UBR3: variants seen among roughly 807,000 people sequenced by gnomAD.
UBR3 encodes the protein ubiquitin protein ligase E3 component n-recognin 3.
Under a neutral mutation model 243.2 loss-of-function variants are expected in UBR3, and 85 were observed. The ratio of observed to expected loss-of-function variants is 0.35; its 90% CI spans 0.29 to 0.42. UBR3 has a LOEUF of 0.42. UBR3 is among the 10% of genes least tolerant of loss of function. UBR3 has a pLI of 1.00. For synonymous variants in UBR3, 748 were observed against 799.8 expected, an observed-to-expected ratio of 0.94 and a Z score of 1.09; for missense variants, 1,686 against 2,300.8, an observed-to-expected ratio of 0.73 and a Z score of 5.47.
chr2:169,907,018 C>CTAGGTT (rs2085036732), intron 10 of UBR3, among the ~76,000 whole-genome samples: 1 of 146,910 alleles, frequency 6.8e-6, no homozygotes, highest in Non-Finnish European at 1.5e-5. Flanking sequence ...TACAATCTTA[C>CTAGGTT]TAGGTTCAAA....
chr2:169,881,670 T>TTATA (rs371247984), intron 5 of UBR3, among the ~76,000 whole-genome samples: 62 of 133,246 alleles, frequency 4.7e-4, no homozygotes, highest in African/African-American at 8.8e-4. Context: ...CAGTGATACT[T>TTATA]TATATATATA....
In UBR3 at chr2:170,031,845, G is replaced by A. The variant is rs182951387; in HGVS notation, c.4556+2397G>A. Among the ~76,000 whole-genome samples, 185 of 152,230 alleles carry A rather than the reference G, an allele frequency of 1.2e-3. 1 individual carries two copies. Among genetic ancestry groups the A allele is most frequent in the African/African-American group, 4.2e-3 (176 of 41,556 alleles). ...CCAGCTGCATCCATGTTGTGACAAA[G>A]GACATAATTTCATTCTTTTTATAGC... On this transcript the variant is annotated intron_variant, in intron 31 of 38. Coordinates refer to ENST00000272793, the MANE Select transcript of UBR3 (RefSeq NM_172070.4).
intron 10 of UBR3, among the ~76,000 whole-genome samples, chr2:169,913,313 T>C (rs2085327669): frequency 6.6e-6 from 1 of 152,068 alleles, no homozygotes; most frequent in African/African-American, 2.4e-5. Flanking sequence ...TTGGAAGAAA[T>C]GTCTTTTTAA....
chr2:169,842,610 G>T (rs1023510023), intron 1 of UBR3, among the ~76,000 whole-genome samples: 1 of 151,596 alleles, frequency 6.6e-6, no homozygotes. Context: ...CCACGAGCCC[G>T]CCAGGAGGAA....
chr2:169,921,984 C>G (rs1396076060), intron 11 of UBR3, among the ~76,000 whole-genome samples: 2 of 151,210 alleles, frequency 1.3e-5, no homozygotes, highest in African/African-American at 4.9e-5. Context: ...GTGCGAGACT[C>G]AAAAAAAGGG....
At chr2:169,934,355 T>G (rs1176968727) in intron 19 of UBR3, among the ~76,000 whole-genome samples, 1 of 152,244 alleles carries the variant, frequency 6.6e-6, no homozygotes, top group African/African-American at 2.4e-5. Flanking sequence ...TCTCTTTTAC[T>G]TTGTAGTTAC....
intron 6 of UBR3, among the ~76,000 whole-genome samples, chr2:169,893,962 T>G (rs1363271685): frequency 6.6e-6 from 1 of 152,182 alleles, no homozygotes; most frequent in Non-Finnish European, 1.5e-5. Context: ...GTGAATTCTT[T>G]TGACTGTATT....
chr2:169,961,981 A>G (rs977131157), intron 24 of UBR3, among the ~76,000 whole-genome samples: 2 of 150,582 alleles, frequency 1.3e-5, no homozygotes, highest in Non-Finnish European at 2.9e-5. Context: ...ATAGAAGTGC[A>G]TGACCTATAT....
intron 24 of UBR3, among the ~76,000 whole-genome samples, chr2:169,959,745 G>A (rs1287319039): frequency 6.6e-6 from 1 of 152,100 alleles, no homozygotes; most frequent in Non-Finnish European, 1.5e-5. Context: ...GAAGCTGAAA[G>A]TACAGTACCC....
At chr2:169,994,198 C>G in intron 25 of UBR3, 125 bp from the exon 26 acceptor site, 3 of 1,145,646 alleles carry the variant, frequency 2.6e-6, no homozygotes, top group Non-Finnish European at 3.6e-6. Flanking sequence ...TTTGAGGGGT[C>G]TTTAAAAATA....
At chr2:169,882,104 T>TTTATATTATATACATATATATTATATATA (rs1559054289) in intron 5 of UBR3, among the ~76,000 whole-genome samples, 1 of 128,826 alleles carries the variant, frequency 7.8e-6, no homozygotes, top group Non-Finnish European at 1.5e-5. Context: ...CACATATATA[T>TTTATATTATATACATATATATTATATATA]TTATATTATA....
intron 31 of UBR3, among the ~76,000 whole-genome samples, chr2:170,030,386 T>C (rs1262659389): frequency 1.3e-5 from 2 of 152,150 alleles, no homozygotes; most frequent in Non-Finnish European, 2.9e-5. Context: ...GTTATCATTG[T>C]TTATAGGCCA....
intron 1 of UBR3, among the ~76,000 whole-genome samples, chr2:169,836,045 A>C (rs13398066): frequency 0.026 from 235 of 8,942 alleles, 2 homozygotes; most frequent in African/African-American, 0.034. Context: ...CTCTCTCTCT[A>C]TATATATATA....
At chr2:169,972,716 C>T (rs867164817) in intron 24 of UBR3, among the ~76,000 whole-genome samples, 1 of 152,006 alleles carries the variant, frequency 6.6e-6, no homozygotes, top group Middle Eastern at 3.4e-3. Context: ...ATTCAACAAC[C>T]CTTCATGCTA....
At chr2:170,000,082 C>T (rs1387496291) in intron 26 of UBR3, among the ~76,000 whole-genome samples, 4 of 151,456 alleles carry the variant, frequency 2.6e-5, no homozygotes, top group East Asian at 1.9e-4. Context: ...GCCGAGATTG[C>T]GCCATCGCAC....
intron 11 of UBR3, among the ~76,000 whole-genome samples, chr2:169,922,502 G>A (rs1256081298): frequency 2.6e-5 from 4 of 151,974 alleles, no homozygotes; most frequent in Admixed American, 2.0e-4. Flanking sequence ...TAAGTGTATA[G>A]TTCAGTAGTG....
intron 32 of UBR3, among the ~76,000 whole-genome samples, chr2:170,042,398 T>G (rs939453437): frequency 6.6e-6 from 1 of 152,154 alleles, no homozygotes; most frequent in East Asian, 1.9e-4. Context: ...TACCGCCTTT[T>G]GGCTATTGTG....
At chr2:170,002,822 T>C (rs1211839496) in intron 27 of UBR3, among the ~76,000 whole-genome samples, 1 of 152,172 alleles carries the variant, frequency 6.6e-6, no homozygotes, top group Non-Finnish European at 1.5e-5. Context: ...AGCTGAAGAC[T>C]TCTCTTTCTC....
chr2:169,928,656 C>T, intron 17 of UBR3, 71 bp from the exon 18 acceptor site: 1 of 1,272,170 alleles, frequency 7.9e-7, no homozygotes, highest in Non-Finnish European at 1.0e-6. Context: ...AAATGAGAAA[C>T]TAGAGTACCT....
Sources: gnomAD v4.1 joint callset for allele counts (sites outside exome capture counted in the v4.1 genomes callset) on GRCh38, gnomAD v4.1.1 for gene constraint, MANE v1.5 for transcripts, NCBI Gene and HGNC (gene_info 2026-07-23, HGNC 2026-07-21) for gene names.